Variants in TEX14 observed in about 807,000 individuals in gnomAD.
TEX14 encodes inactive serine/threonine-protein kinase TEX14.
A neutral mutation model predicts 178.6 loss-of-function variants in TEX14; 168 were observed. The observed-to-expected ratio is 0.94, with a 90% CI of 0.83 to 1.07. TEX14 has a LOEUF of 1.07. Among genes scored for constraint, TEX14 ranks in the 50% least tolerant of loss-of-function variants. The pLI, the probability that TEX14 is intolerant of heterozygous loss-of-function variation, is 0.00. For missense variants in TEX14, 1,730 were observed against 1,753.6 expected (o/e 0.99, Z 0.24); for synonymous variants, 626 against 634.1 (o/e 0.99, Z 0.19).
At chr17:58,566,603 A>C (rs2044403610) in intron 26 of TEX14, among the ~76,000 whole-genome samples, 1 of 151,950 alleles carries the variant, frequency 6.6e-6, no homozygotes, top group South Asian at 2.1e-4. Flanking sequence ...GTTCGAGCCC[A>C]GCCTGGCCAA....
rs762779068 is a variant in TEX14, at chr17:58,621,653, T to G, written c.551A>C (p.Gln184Pro). The change falls in exon 5 of 32, where the codon CAG becomes CCG. Residue 184 changes from glutamine to proline, a missense_variant. Gln to Pro is a moderately conservative substitution (Grantham distance 76, BLOSUM62 -1). Around this residue, in one of 2 missense-constraint regions of TEX14, gnomAD observed 789 missense variants for 681.2 expected, o/e 1.16. Transcript: ENST00000349033. ...CTCTGCTCAAGGCAGTACTCACCCC[T>G]GCACGAGGCCCCCACACCAGGACGG... is the stretch of plus-strand genomic sequence containing the variant. ...YSPSWCGGLV[Q>P]GNPNGSPNRL... The G allele has an allele frequency of 4.3e-6, 7 of 1,613,312 alleles. No homozygotes were observed. Among genetic ancestry groups the G allele is most frequent in the Non-Finnish European group, 5.9e-6 (7 of 1,179,590 alleles).
intron 14 of TEX14, among the ~76,000 whole-genome samples, chr17:58,596,087 G>A (rs951368066): frequency 1.3e-5 from 2 of 152,058 alleles, no homozygotes; most frequent in Non-Finnish European, 2.9e-5. Flanking sequence ...GGAGGCTGAG[G>A]CAGAAGAATC....
chr17:58,585,954 TGGG>T lies in TEX14; in HGVS notation c.2914_2916del (p.Pro972del). 6.8e-6 allele frequency: 11 copies of T among 1,613,978 alleles called. No individual in the cohort carries two copies. Among genetic ancestry groups the T allele is most frequent in the Non-Finnish European group, 9.3e-6 (11 of 1,179,998 alleles). On this transcript the variant is annotated inframe_deletion, in exon 18 of 32. Transcript: ENST00000349033. ...CAATCCGTGTTTTCTGGGCTCCTAA[TGGG>T]GGGCTGCAGCAGGGCGTCGGGCTCA... is the stretch of plus-strand genomic sequence containing the variant.
chr17:58,615,178 C>T (rs2045842931), intron 8 of TEX14, 54 bp downstream of exon 8: 1 of 1,045,116 alleles, frequency 9.6e-7, no homozygotes, highest in African/African-American at 1.6e-5. Context: ...TAGCCCAGAA[C>T]CTGAGTCTGT....
intron 10 of TEX14, among the ~76,000 whole-genome samples, chr17:58,606,788 G>A (rs1246398999): frequency 6.6e-6 from 1 of 151,516 alleles, no homozygotes; most frequent in Admixed American, 6.6e-5. Flanking sequence ...AGCACTTTAG[G>A]AGGCCGAGGC....
At chr17:58,670,424 TA>T (rs574588582) in intron 1 of TEX14, among the ~76,000 whole-genome samples, 395 of 143,082 alleles carry the variant, frequency 2.8e-3, no homozygotes, top group Admixed American at 7.0e-3. Flanking sequence ...TTGGGAAGAT[TA>T]AAAAAAAAAA....
chr17:58,628,901 G>C (rs947250507), intron 3 of TEX14, among the ~76,000 whole-genome samples: 1 of 150,692 alleles, frequency 6.6e-6, no homozygotes, highest in Admixed American at 6.6e-5. Flanking sequence ...AAAAAAAAAA[G>C]TACAAAAGCT....
chr17:58,659,362 G>A, intron 1 of TEX14: 1 of 981,124 alleles, frequency 1.0e-6, no homozygotes, highest in African/African-American at 1.7e-5. Flanking sequence ...ACATACTCAT[G>A]GCAAATTGTA....
At chr17:58,581,773 G>A (rs1567717878) in intron 19 of TEX14, 2 of 1,597,554 alleles carry the variant, frequency 1.3e-6, no homozygotes. Context: ...GCTGTTCATT[G>A]TAACGAAATC....
At chr17:58,674,364 A>G (rs1033511429) in intron 1 of TEX14, among the ~76,000 whole-genome samples, 2 of 152,108 alleles carry the variant, frequency 1.3e-5, no homozygotes, top group African/African-American at 4.8e-5. Flanking sequence ...AGGAGTGAGA[A>G]TAACTTATTT....
chr17:58,638,097 T>C (rs1228428056), intron 2 of TEX14, among the ~76,000 whole-genome samples: 2 of 152,020 alleles, frequency 1.3e-5, no homozygotes, highest in Non-Finnish European at 2.9e-5. Context: ...CCTGACCTCA[T>C]GATCCACCTG....
chr17:58,613,324 G>T (rs2045791601), intron 9 of TEX14, 97 bp downstream of exon 9: 3 of 1,428,830 alleles, frequency 2.1e-6, no homozygotes, highest in Admixed American at 3.7e-5. Context: ...TATCTTCCAT[G>T]CATGCAGAAA....
chr17:58,604,563 CTTTTT>C (rs951958808), intron 11 of TEX14, among the ~76,000 whole-genome samples: 1 of 147,328 alleles, frequency 6.8e-6, no homozygotes, highest in African/African-American at 2.5e-5. Context: ...TTTGCTGAGT[CTTTTT>C]TTTTTCTTTT....
intron 10 of TEX14, among the ~76,000 whole-genome samples, chr17:58,610,839 T>C (rs556346214): frequency 5.3e-5 from 8 of 152,028 alleles, no homozygotes; most frequent in African/African-American, 1.9e-4. Flanking sequence ...TGAGCCGAGA[T>C]TGTGCCACTG....
At chr17:58,605,842 T>G (rs1476824946) in intron 10 of TEX14, among the ~76,000 whole-genome samples, 1 of 152,234 alleles carries the variant, frequency 6.6e-6, no homozygotes, top group Non-Finnish European at 1.5e-5. Context: ...TCTGAATTTG[T>G]GTTCATTTAG....
intron 1 of TEX14, among the ~76,000 whole-genome samples, chr17:58,672,465 G>A (rs1051060859): frequency 2.5e-4 from 38 of 152,222 alleles, no homozygotes; most frequent in African/African-American, 8.2e-4. Context: ...ACAGAGTCTC[G>A]CTCTATCACC....
In TEX14 at chr17:58,584,787, G is replaced by A. The variant is rs139438034; in HGVS notation, c.3071-187C>T. On this transcript the variant is annotated intron_variant, in intron 18 of 31. Transcript: ENST00000349033. ...AGCCTGACCCCAAAATGCAGCCCTG[G>A]ATCATCTGCCCACCCATTCGAGAGT... is the stretch of plus-strand genomic sequence containing the variant. Among the ~76,000 whole-genome samples the A allele has an allele frequency of 3.9e-4, 60 of 152,276 alleles. 1 individual carries two copies. In the East Asian group the frequency reaches 0.011, roughly 29 times the overall value.
At chr17:58,680,911 T>G (rs1425738079) in intron 1 of TEX14, among the ~76,000 whole-genome samples, 1 of 152,114 alleles carries the variant, frequency 6.6e-6, no homozygotes, top group Non-Finnish European at 1.5e-5. Context: ...TAGCCAGAGT[T>G]TATAACTTTT....
At chr17:58,673,268 C>T (rs1464011937) in intron 1 of TEX14, among the ~76,000 whole-genome samples, 2 of 150,824 alleles carry the variant, frequency 1.3e-5, no homozygotes, top group African/African-American at 2.4e-5. Flanking sequence ...ATTATAAGGT[C>T]AGGAGTTCAA....
Sources: allele counts gnomAD v4.1 joint callset (sites outside exome capture counted in the v4.1 genomes callset), GRCh38; gene constraint gnomAD v4.1.1; regional missense constraint gnomAD v4.1.1; transcripts MANE v1.5; gene names NCBI Gene and HGNC (gene_info 2026-07-23, HGNC 2026-07-21).